Variants in NTRK3 observed in about 807,000 individuals in gnomAD.
The protein encoded by NTRK3 is neurotrophic receptor tyrosine kinase 3, also known as NT-3 growth factor receptor.
A neutral mutation model predicts 91.7 loss-of-function variants in NTRK3; 24 were observed. The observed-to-expected ratio is 0.26, with a 90% confidence interval of 0.19 to 0.37. The LOEUF is 0.37. Ranked by LOEUF, NTRK3 falls within the 10% of genes least tolerant of loss-of-function variation. The probability of loss-of-function intolerance (pLI) is 1.00; values close to 1 mark genes in which losing one functional copy is unlikely to be tolerated. For synonymous variants in NTRK3, 483 were observed against 404.0 expected, an observed-to-expected ratio of 1.20 and a Z score of -2.34; for missense variants, 880 against 1,068.9, an observed-to-expected ratio of 0.82 and a Z score of 2.46.
At chr15:88,023,988 C>A (rs1216594496) in intron 14 of NTRK3, among the ~76,000 whole-genome samples, 1 of 152,204 alleles carries the variant, frequency 6.6e-6, no homozygotes, top group African/African-American at 2.4e-5. Context: ...AAACACCCAT[C>A]ATTACCCTAC....
At chr15:87,983,787 G>T (rs911507919) in intron 14 of NTRK3, among the ~76,000 whole-genome samples, 1 of 152,166 alleles carries the variant, frequency 6.6e-6, no homozygotes, top group Non-Finnish European at 1.5e-5. Context: ...TGGTAAGGAC[G>T]TTCTCTTGGG....
intron 14 of NTRK3, among the ~76,000 whole-genome samples, chr15:87,997,989 CT>C (rs2075825947): frequency 6.6e-6 from 1 of 152,192 alleles, no homozygotes; most frequent in African/African-American, 2.4e-5. Context: ...ACATCATGAG[CT>C]CTAAAGAAGG....
intron 13 of NTRK3, among the ~76,000 whole-genome samples, chr15:88,092,989 G>A (rs1486307528): frequency 6.7e-6 from 1 of 149,876 alleles, no homozygotes; most frequent in Non-Finnish European, 1.5e-5. Context: ...TGTACAAGAT[G>A]ACATATACAG....
At chr15:88,231,993 C>T (rs1001374021) in intron 3 of NTRK3, among the ~76,000 whole-genome samples, 1 of 152,166 alleles carries the variant, frequency 6.6e-6, no homozygotes, top group Non-Finnish European at 1.5e-5. Context: ...AGTCACTAAC[C>T]GGATAAGGTA....
chr15:88,159,109 G>C (rs2044199537), intron 5 of NTRK3, among the ~76,000 whole-genome samples: 2 of 152,194 alleles, frequency 1.3e-5, no homozygotes, highest in African/African-American at 4.8e-5. Flanking sequence ...GCAGGGGCAA[G>C]AGTGCTAAGC....
intron 5 of NTRK3, among the ~76,000 whole-genome samples, chr15:88,164,760 C>T (rs1011498541): frequency 6.6e-6 from 1 of 152,200 alleles, no homozygotes; most frequent in Non-Finnish European, 1.5e-5. Context: ...TCTCTGCCCC[C>T]TCTCTGTTAC....
chr15:87,947,026 G>A (rs536869612), intron 14 of NTRK3, among the ~76,000 whole-genome samples: 19 of 151,950 alleles, frequency 1.3e-4, no homozygotes, highest in African/African-American at 3.1e-4. Flanking sequence ...TTTCAGGTGC[G>A]TGCCACCACA....
At chr15:88,242,560 C>T (rs1475657502) in intron 3 of NTRK3, among the ~76,000 whole-genome samples, 1 of 152,230 alleles carries the variant, frequency 6.6e-6, no homozygotes, top group Non-Finnish European at 1.5e-5. Flanking sequence ...CTGCCTCCCT[C>T]CATTCACCTG....
At chr15:88,193,739 T>A (rs2047595447) in intron 3 of NTRK3, among the ~76,000 whole-genome samples, 1 of 152,304 alleles carries the variant, frequency 6.6e-6, no homozygotes, top group Admixed American at 6.5e-5. Context: ...AACATATTCA[T>A]TTTTTCTCTT....
At chr15:88,149,355 T>C (rs1005896849) in intron 5 of NTRK3, among the ~76,000 whole-genome samples, 21 of 152,134 alleles carry the variant, frequency 1.4e-4, no homozygotes, top group Admixed American at 3.3e-4. Flanking sequence ...CATAGGTAGA[T>C]GTCTCCCAAG....
chr15:88,236,801 A>G (rs2051823736), intron 3 of NTRK3, among the ~76,000 whole-genome samples: 1 of 151,536 alleles, frequency 6.6e-6, no homozygotes, highest in African/African-American at 2.4e-5. Context: ...ACTACTCTCA[A>G]AAGTAGATAA....
At chr15:88,172,203 A>T (rs1381433512) in intron 5 of NTRK3, among the ~76,000 whole-genome samples, 1 of 152,276 alleles carries the variant, frequency 6.6e-6, no homozygotes, top group Admixed American at 6.5e-5. Flanking sequence ...AGAGACTTTC[A>T]AAGACCCATT....
At position 88,234,962 on chromosome 15, in the gene NTRK3, G is replaced by A. The variant is rs1322351645; in HGVS notation, c.248+20944C>T. Among the ~76,000 whole-genome samples, 3 of 152,110 alleles carry A rather than the reference G, an allele frequency of 2.0e-5. No individual in the cohort carries two copies. Among genetic ancestry groups the A allele is most frequent in the Non-Finnish European group, 2.9e-5 (2 of 68,026 alleles). ...AGAGGCGTTGCACTGGCTACGCCCT[G>A]GGCCTGGAAACTTCTGGCTCCAGTT... On this transcript the variant is annotated intron_variant, in intron 3 of 18. Transcript: ENST00000394480. This position sits in a 1 kb window ranked among gnomAD's most constrained non-coding sequence, Gnocchi z 6.1.
At chr15:88,013,922 C>T (rs979024649) in intron 14 of NTRK3, among the ~76,000 whole-genome samples, 5 of 151,974 alleles carry the variant, frequency 3.3e-5, no homozygotes, top group East Asian at 1.9e-4. Flanking sequence ...CCAACTTAGG[C>T]GATACAGTGA....
chr15:88,187,867 G>A (rs530375654), intron 3 of NTRK3, among the ~76,000 whole-genome samples: 15 of 151,322 alleles, frequency 9.9e-5, no homozygotes, highest in Admixed American at 3.3e-4. Flanking sequence ...CTGGGAGGCC[G>A]AGGCTGCAGT....
chr15:87,966,917 TG>T (rs1453808149), intron 14 of NTRK3, among the ~76,000 whole-genome samples: 1 of 152,238 alleles, frequency 6.6e-6, no homozygotes, highest in Non-Finnish European at 1.5e-5. Flanking sequence ...CATTTGGGGC[TG>T]GATCATTCTT....
At chr15:87,981,128 A>G in intron 14 of NTRK3, 1 of 1,541,608 alleles carries the variant, frequency 6.5e-7, no homozygotes, top group Non-Finnish European at 8.8e-7. Flanking sequence ...AGTCCACGAA[A>G]TATATGGAGG....
intron 13 of NTRK3, among the ~76,000 whole-genome samples, chr15:88,054,023 G>A (rs143737635): frequency 3.2e-4 from 48 of 152,204 alleles, no homozygotes; most frequent in African/African-American, 1.0e-3. Flanking sequence ...AAATCTAAGG[G>A]GAAAATAAAG....
chr15:88,089,062 G>C (rs1008319024), intron 13 of NTRK3, among the ~76,000 whole-genome samples: 13 of 151,850 alleles, frequency 8.6e-5, no homozygotes, highest in African/African-American at 2.9e-4. Flanking sequence ...TCTTCATCAA[G>C]GCCACCAAAT....
Sources: allele counts gnomAD v4.1 joint callset (sites outside exome capture counted in the v4.1 genomes callset), GRCh38; gene constraint gnomAD v4.1.1; non-coding constraint Gnocchi (gnomAD v3.1); transcripts MANE v1.5; gene names NCBI Gene and HGNC (gene_info 2026-07-23, HGNC 2026-07-21).